The following PRDM5 variants were observed in gnomAD, a reference collection of about 807,000 sequenced individuals.
PRDM5 encodes the protein PR domain zinc finger protein 5.
In PRDM5, 56 loss-of-function variants were observed where a neutral mutation model predicts 81.2. The observed-to-expected ratio is 0.69, with a 90% CI of 0.56 to 0.86. PRDM5 has a LOEUF of 0.86. Ranked by LOEUF, PRDM5 falls within the 40% of genes least tolerant of loss-of-function variation. PRDM5 has a pLI of 0.00. For missense variants in PRDM5, 697 were observed against 770.1 expected (o/e 0.91, Z 1.12); for synonymous variants, 267 against 256.4 (o/e 1.04, Z -0.39).
intron 3 of PRDM5, among the ~76,000 whole-genome samples, chr4:120,835,813 AAGGCGAAAGAAAAAAAAAGTGACTCAG>A (rs1263842249): frequency 6.6e-6 from 1 of 152,196 alleles, no homozygotes; most frequent in African/African-American, 2.4e-5. Flanking sequence ...ATAAGCTATA[AAGGCGAAAGAAAAAAAAAGTGACTCAG>A]AGGATAGGTG....
At chr4:120,686,358 T>C (rs1733832600) in intron 1 of PRDM5, among the ~76,000 whole-genome samples, 1 of 152,102 alleles carries the variant, frequency 6.6e-6, no homozygotes, top group African/African-American at 2.4e-5. Flanking sequence ...TCAACTAAAA[T>C]ATATTTTGTA....
intron 13 of PRDM5, among the ~76,000 whole-genome samples, chr4:120,771,536 C>T (rs910451308): frequency 1.3e-5 from 2 of 151,946 alleles, no homozygotes; most frequent in African/African-American, 4.8e-5. Context: ...TGCATTTTCC[C>T]CAAATTAATA....
At chr4:120,834,753 G>T (rs1022283273) in intron 3 of PRDM5, among the ~76,000 whole-genome samples, 1 of 152,054 alleles carries the variant, frequency 6.6e-6, no homozygotes, top group Non-Finnish European at 1.5e-5. Context: ...TCAGTGGAAG[G>T]CCTCAATAAA....
At chr4:120,707,684 CA>C (rs1057433488) in intron 15 of PRDM5, among the ~76,000 whole-genome samples, 4 of 151,720 alleles carry the variant, frequency 2.6e-5, no homozygotes, top group Admixed American at 1.3e-4. Context: ...GCATAAAGGG[CA>C]CTTCATCAAC....
At chr4:120,746,283 C>G (rs963019247) in intron 14 of PRDM5, among the ~76,000 whole-genome samples, 2 of 144,974 alleles carry the variant, frequency 1.4e-5, no homozygotes, top group Non-Finnish European at 3.0e-5. Context: ...AAAATTAATT[C>G]CAGATGGATT....
intron 3 of PRDM5, among the ~76,000 whole-genome samples, chr4:120,841,221 C>T (rs1044147135): frequency 1.3e-5 from 2 of 152,132 alleles, no homozygotes; most frequent in Non-Finnish European, 2.9e-5. Context: ...TGGCTTAATA[C>T]AGTATAACTT....
At chr4:120,807,242 A>G (rs1753116488) in intron 8 of PRDM5, among the ~76,000 whole-genome samples, 1 of 152,228 alleles carries the variant, frequency 6.6e-6, no homozygotes, top group Admixed American at 6.5e-5. Context: ...ACACTTTCAC[A>G]CTGTTGGTGG....
rs545515659 is a variant in PRDM5, at chr4:120,708,871, T to C, written c.1728+1438A>G. ...CAATGAGTAGGTTAAGAGGACAAGATTTTGGAGCAAAGACAGTTCTATACT... is the reference window on the plus strand; with the variant it reads ...CAATGAGTAGGTTAAGAGGACAAGACTTTGGAGCAAAGACAGTTCTATACT... On this transcript the variant is annotated intron_variant, in intron 15 of 15. Transcript: ENST00000264808. 5.3e-5 allele frequency among the ~76,000 whole-genome samples: 8 copies of C among 152,196 alleles called. No homozygotes were observed. The South Asian group carries it at 8.3e-4, about 16-fold the overall frequency.
chr4:120,895,057 C>G (rs555342958), intron 2 of PRDM5, among the ~76,000 whole-genome samples: 11 of 152,268 alleles, frequency 7.2e-5, no homozygotes, highest in African/African-American at 2.6e-4. Flanking sequence ...AGTGCATGTA[C>G]ATGATAATGT....
Position 120,853,488 on chromosome 4 carries a change from C to T in PRDM5, c.230G>A (p.Arg77Gln), listed in dbSNP as rs750942328. 14 of 1,613,746 alleles carry T rather than the reference C, an allele frequency of 8.7e-6. No individual in the cohort carries two copies. Among genetic ancestry groups the T allele is most frequent in the Admixed American group, 1.7e-5 (1 of 60,000 alleles). ...VLYILDATNP[R>Q]HSNWLRFVHE... is the part of the protein sequence containing the mutation. ...AACGAAGCGAAGCCAGTTGGAGTGC[C>T]GTGGGTTGGTAGCATCCAAAATGTA... The change falls in exon 3 of 16, where the codon CGG (arginine) becomes CAG (glutamine). Residue 77 changes from arginine (R) to glutamine (Q), a missense_variant. Arg to Gln is a conservative substitution (Grantham distance 43). Coordinates refer to ENST00000264808, the MANE Select transcript of PRDM5 (RefSeq NM_018699.4).
chr4:120,699,197 TA>T lies in PRDM5; in HGVS notation c.1729-3923del, dbSNP rs1560890181. 2.9e-3 allele frequency among the ~76,000 whole-genome samples: 217 copies of T among 75,882 alleles called. 2 individuals carry two copies. Among genetic ancestry groups the T allele is most frequent in the East Asian group, 0.013 (11 of 854 alleles). 49.8% of individuals were successfully genotyped at this position (75,882 alleles called of 152,430 possible). On this transcript the variant is annotated intron_variant, in intron 15 of 15. Transcript: ENST00000264808. ...ATATATATATATATATATATATATA[TA>T]TATATATTTCAGATGTCTCCTTAAT...
chr4:120,814,367 CA>C (rs1366830827), intron 7 of PRDM5, among the ~76,000 whole-genome samples: 1 of 152,168 alleles, frequency 6.6e-6, no homozygotes, highest in East Asian at 1.9e-4. Context: ...TTTAAACTTT[CA>C]AAAACATTTA....
intron 4 of PRDM5, among the ~76,000 whole-genome samples, 179 bp from the exon 5 acceptor site, chr4:120,818,706 A>C (rs1428739257): frequency 6.6e-6 from 1 of 152,238 alleles, no homozygotes; most frequent in Non-Finnish European, 1.5e-5. Flanking sequence ...AGCAAGTGTT[A>C]CTAGAGAGAA....
In PRDM5 at chr4:120,799,726, C is replaced by T; in HGVS notation, c.965G>A (p.Cys322Tyr). 3 of 1,612,664 alleles carry T rather than the reference C, an allele frequency of 1.9e-6. No homozygotes were observed. In the South Asian group the frequency reaches 3.3e-5, roughly 18 times the overall value. ...AATAAATTTCTTCATACATTCTTGA[C>T]AATCAAATATCTCATGAATCTGCAA... ...EHRKIHEIFDCQECMKKFISA... is the reference protein window; with the variant it reads ...EHRKIHEIFDYQECMKKFISA... Residue 322 changes from cysteine to tyrosine, a missense_variant, in exon 9 of 16, where the codon TGT becomes TAT. Transcript: ENST00000264808.
chr4:120,699,189 TA>T (rs368741312), intron 15 of PRDM5, among the ~76,000 whole-genome samples: 3,942 of 122,652 alleles, frequency 0.032, 158 homozygotes, highest in South Asian at 0.073. Context: ...TATATATATA[TA>T]TATATATATA....
At chr4:120,705,933 G>C (rs1736040371) in intron 15 of PRDM5, among the ~76,000 whole-genome samples, 1 of 152,108 alleles carries the variant, frequency 6.6e-6, no homozygotes, top group Non-Finnish European at 1.5e-5. Context: ...TAGATGTAGG[G>C]TGTGAGAGAA....
chr4:120,850,650 A>G (rs1485862491), intron 3 of PRDM5, among the ~76,000 whole-genome samples: 1 of 152,128 alleles, frequency 6.6e-6, no homozygotes, highest in Non-Finnish European at 1.5e-5. Context: ...GTGGCTTCTG[A>G]ACATACTTAG....
intron 2 of PRDM5, among the ~76,000 whole-genome samples, chr4:120,878,256 A>AAAAT (rs937929531): frequency 6.6e-6 from 1 of 152,172 alleles, no homozygotes; most frequent in Non-Finnish European, 1.5e-5. Context: ...AATATTCATC[A>AAAAT]AAATAAATAA....
intron 5 of PRDM5, among the ~76,000 whole-genome samples, chr4:120,817,464 A>G (rs1406473930): frequency 6.6e-6 from 1 of 152,154 alleles, no homozygotes; most frequent in Non-Finnish European, 1.5e-5. Flanking sequence ...TTCTGTTAAA[A>G]TGAGAAGCTA....
Sources: allele counts gnomAD v4.1 joint callset (sites outside exome capture counted in the v4.1 genomes callset), GRCh38; gene constraint gnomAD v4.1.1; transcripts MANE v1.5; gene names NCBI Gene and HGNC (gene_info 2026-07-23, HGNC 2026-07-21).